Variants in LTF observed in about 807,000 individuals in gnomAD.
The protein encoded by LTF is epididymis luminal protein 110.
In LTF, 91 loss-of-function variants were observed where a neutral mutation model predicts 87.2. That is an observed-to-expected ratio of 1.04 (90% confidence interval 0.88 to 1.24). LTF has a LOEUF of 1.24. Among genes scored for constraint, LTF ranks in the 50% most tolerant of loss-of-function variants. The pLI, the probability that LTF is intolerant of heterozygous loss-of-function variation, is 0.00. For synonymous variants in LTF, 378 were observed against 356.1 expected (o/e 1.06, Z -0.69); for missense variants, 901 against 904.3 (o/e 1.00, Z 0.05).
At chr3:46,482,551 AAGGGAAGGG>A (rs1559614538) in intron 1 of LTF, among the ~76,000 whole-genome samples, 1,959 of 113,734 alleles carry the variant, frequency 0.017, 287 homozygotes, top group African/African-American at 0.05. Flanking sequence ...AAGGGAAGGG[AAGGGAAGGG>A]AAGGGAAGGG....
chr3:46,458,790 G>A (rs1703005193), intron 2 of LTF, among the ~76,000 whole-genome samples: 1 of 152,176 alleles, frequency 6.6e-6, no homozygotes, highest in Admixed American at 6.5e-5. Context: ...GGCCATCCTG[G>A]TTTTGAACTA....
At chr3:46,468,873 G>A (rs113494853), upstream of LTF, among the ~76,000 whole-genome samples, 4 of 152,164 alleles carry the variant, frequency 2.6e-5, no homozygotes, top group South Asian at 2.1e-4. Flanking sequence ...AGGCATAGTC[G>A]ATGTATTTAT....
Position 46,447,408 on chromosome 3 carries a change from C to T in LTF, c.1213-10G>A, listed in dbSNP as rs1207706251. On this transcript the variant is annotated splice_polypyrimidine_tract_variant and intron_variant, in intron 9 of 16. Coordinates refer to ENST00000231751, the MANE Select transcript of LTF (RefSeq NM_002343.6). ...CATCAGCTTCTCCTTTCTGCAAAGA[C>T]AGAGCAGATCTCCAGCACCACAGTG... is the stretch of plus-strand genomic sequence containing the variant. The T allele has an allele frequency of 6.3e-7, 1 of 1,594,882 alleles. No individual in the cohort carries two copies. The highest frequency in any genetic ancestry group is 2.2e-5 in the East Asian group (1 of 44,774).
At chr3:46,450,081 A>G in intron 7 of LTF, 53 bp from the exon 8 acceptor site, 1 of 1,394,936 alleles carries the variant, frequency 7.2e-7, no homozygotes, top group Non-Finnish European at 9.8e-7. Flanking sequence ...GGAGGAAACA[A>G]AAAAATGATG....
intron 16 of LTF, 56 bp downstream of exon 16, chr3:46,437,884 A>G (rs1436964505): frequency 6.8e-6 from 10 of 1,476,062 alleles, no homozygotes; most frequent in African/African-American, 5.7e-5. Flanking sequence ...TTGGCCCTCA[A>G]ACCTTGACCT....
chr3:46,483,076 G>A (rs1331097281), intron 1 of LTF, among the ~76,000 whole-genome samples: 1 of 152,220 alleles, frequency 6.6e-6, no homozygotes. Context: ...TGAATTTGGA[G>A]TTGGGAGGAG....
chr3:46,443,619 C>G, intron 12 of LTF, 37 bp from the exon 13 acceptor site: 6 of 1,611,382 alleles, frequency 3.7e-6, no homozygotes, highest in Non-Finnish European at 5.1e-6. Flanking sequence ...GCTCTTCAAA[C>G]CTGAGTCCAC....
chr3:46,452,396 T>C (rs1196807202), intron 6 of LTF, among the ~76,000 whole-genome samples: 1 of 152,232 alleles, frequency 6.6e-6, no homozygotes, highest in African/African-American at 2.4e-5. Context: ...AGCATCACCA[T>C]GGACTGGACA....
intron 1 of LTF, 122 bp downstream of exon 1, chr3:46,464,703 T>A: frequency 9.3e-7 from 1 of 1,075,776 alleles, no homozygotes; most frequent in Non-Finnish European, 1.4e-6. Context: ...CTGTAGGCGC[T>A]GGGACCGCGG....
chr3:46,478,386 G>T (rs2106926215), intron 1 of LTF, among the ~76,000 whole-genome samples: 2 of 152,300 alleles, frequency 1.3e-5, no homozygotes, highest in East Asian at 3.9e-4. Context: ...TGGCCACTCA[G>T]TCACTTCCCC....
chr3:46,455,742 A>G (rs1236926908), intron 4 of LTF, 54 bp downstream of exon 4: 1 of 1,511,408 alleles, frequency 6.6e-7, no homozygotes, highest in African/African-American at 1.4e-5. Flanking sequence ...CTGTGCTTAC[A>G]ACTGGAATAG....
At chr3:46,456,749 G>A (rs1702946298) in intron 2 of LTF, among the ~76,000 whole-genome samples, 3 of 152,144 alleles carry the variant, frequency 2.0e-5, no homozygotes, top group Admixed American at 2.0e-4. Flanking sequence ...TGTTTTATTG[G>A]ATAGAAAATA....
chr3:46,438,145 A>C lies in LTF; in HGVS notation c.1909-16T>G. ...CAAATTTAGCCTGCGACAAAAGGGCAGACAGTGAGTAGCTAAGGAAAAGAG... is the reference window on the plus strand; with the variant it reads ...CAAATTTAGCCTGCGACAAAAGGGCCGACAGTGAGTAGCTAAGGAAAAGAG... On this transcript the variant is annotated splice_polypyrimidine_tract_variant and intron_variant, in intron 15 of 16. Coordinates refer to ENST00000231751, the MANE Select transcript of LTF (RefSeq NM_002343.6). The C allele has an allele frequency of 6.2e-7, 1 of 1,607,804 alleles. No individual in the cohort carries two copies. Among genetic ancestry groups the C allele is most frequent in the African/African-American group, 1.3e-5 (1 of 74,752 alleles).
At chr3:46,450,450 G>A in intron 7 of LTF, 45 bp downstream of exon 7, 1 of 1,561,660 alleles carries the variant, frequency 6.4e-7, no homozygotes, top group Non-Finnish European at 8.7e-7. Flanking sequence ...CTTGCTCCCT[G>A]CCCCCCATAT....
chr3:46,460,961 G>A (rs1345278161), intron 1 of LTF, among the ~76,000 whole-genome samples: 1 of 152,156 alleles, frequency 6.6e-6, no homozygotes, highest in Non-Finnish European at 1.5e-5. Flanking sequence ...ATGCTAGATA[G>A]TATAACATCA....
intron 13 of LTF, among the ~76,000 whole-genome samples, chr3:46,443,081 C>T (rs540395297): frequency 4.5e-4 from 68 of 152,224 alleles, no homozygotes; most frequent in African/African-American, 1.4e-3. Context: ...AGAAAAGGGG[C>T]GGCGATGGGA....
chr3:46,482,700 G>A (rs1559614909), intron 1 of LTF, among the ~76,000 whole-genome samples: 6 of 119,432 alleles, frequency 5.0e-5, no homozygotes, highest in African/African-American at 1.4e-4. Flanking sequence ...AGGAAGGAAG[G>A]AAGGAAAGAA....
rs148298947 is a variant in LTF at position 46,445,390 on chromosome 3, G to A, written c.1404C>T (p.Thr468=). 2 of 1,613,942 alleles carry A rather than the reference G, an allele frequency of 1.2e-6. No individual in the cohort carries two copies. The highest frequency in any genetic ancestry group is 1.7e-6 in the Non-Finnish European group (2 of 1,179,888). The change falls in exon 12 of 17, where the codon ACC becomes ACT. Residue 468 remains threonine (T), a synonymous_variant. Coordinates refer to ENST00000231751, the MANE Select transcript of LTF (RefSeq NM_002343.6). ...AVVRRSDTSL[T]WNSVKGKKSC... The stretch of plus-strand genomic sequence containing the variant: ...ACTTCTTGCCTTTCACAGAGTTCCA[G>A]GTAAGGCTAGTGTCTGATCTCCTAA...
At chr3:46,480,611 C>T (rs1213337550) in intron 1 of LTF, among the ~76,000 whole-genome samples, 1 of 152,144 alleles carries the variant, frequency 6.6e-6, no homozygotes, top group Admixed American at 6.5e-5. Context: ...AGCATCATGG[C>T]CTTTCCATGA....
Sources: allele counts gnomAD v4.1 joint callset (sites outside exome capture counted in the v4.1 genomes callset), GRCh38; gene constraint gnomAD v4.1.1; transcripts MANE v1.5; gene names NCBI Gene and HGNC (gene_info 2026-07-23, HGNC 2026-07-21).